The following CALN1 variants were observed in gnomAD, a reference collection of about 807,000 sequenced individuals.
CALN1 encodes calneuron 1.
Under a neutral mutation model 30.6 loss-of-function variants are expected in CALN1, and 17 were observed. The observed-to-expected ratio is 0.56, with a 90% CI of 0.38 to 0.83. CALN1 has a LOEUF of 0.83. CALN1 is among the 40% of genes least tolerant of loss of function. The probability of loss-of-function intolerance (pLI) is 0.00; values close to 1 mark genes in which losing one functional copy is unlikely to be tolerated. For missense variants in CALN1, 291 were observed against 354.9 expected, an observed-to-expected ratio of 0.82 and a Z score of 1.45; for synonymous variants, 156 against 131.4, an observed-to-expected ratio of 1.19 and a Z score of -1.28.
intron 3 of CALN1, among the ~76,000 whole-genome samples, chr7:72,257,176 T>TCGTGAGAACTCACTAC (rs1288131899): frequency 6.6e-6 from 1 of 152,120 alleles, no homozygotes; most frequent in Non-Finnish European, 1.5e-5. Flanking sequence ...CCATCAAATC[T>TCGTGAGAACTCACTAC]CGTGAGAACT....
chr7:71,960,726 T>TTAATAGTTA (rs1797207873), intron 5 of CALN1, among the ~76,000 whole-genome samples: 1 of 152,198 alleles, frequency 6.6e-6, no homozygotes, highest in Non-Finnish European at 1.5e-5. Flanking sequence ...TAGATCTTTT[T>TTAATAGTTA]TAATAGTTAT....
intron 3 of CALN1, among the ~76,000 whole-genome samples, chr7:72,187,074 G>A (rs17144369): frequency 0.25 from 38,094 of 151,758 alleles, 5,982 homozygotes; most frequent in East Asian, 0.68. Context: ...TTTGGTAAAA[G>A]AATATGATTG....
At chr7:72,070,756 C>T (rs1413867803) in intron 4 of CALN1, among the ~76,000 whole-genome samples, 1 of 151,684 alleles carries the variant, frequency 6.6e-6, no homozygotes, top group Non-Finnish European at 1.5e-5. Flanking sequence ...TAATCTCGTC[C>T]CCCTGTTAGA....
chr7:71,835,879 C>T (rs1789571423), intron 5 of CALN1, among the ~76,000 whole-genome samples: 2 of 152,180 alleles, frequency 1.3e-5, no homozygotes, highest in Non-Finnish European at 2.9e-5. Context: ...TATGTGGGGA[C>T]AGCTGGGAGT....
Position 71,837,243 on chromosome 7 carries a change from C to CAAAA in CALN1, c.502-26755_502-26752dup, listed in dbSNP as rs55977265. Among the ~76,000 whole-genome samples, 438 of 79,058 alleles carry CAAAA rather than the reference C, an allele frequency of 5.5e-3. 3 individuals are homozygous for CAAAA. The highest frequency in any genetic ancestry group is 0.016 in the African/African-American group (329 of 20,542). The allele number at this position is 79,058 out of a possible 152,430, so 51.9% of individuals were successfully genotyped here. On this transcript the variant is annotated intron_variant, in intron 5 of 6. Transcript: ENST00000395275. ...CGAAACTCCATCTCAAAAAAAAAGACAAAAAAAAAAAAAAAAAAAAAAGCC... is the reference window on the plus strand; with the variant it reads ...CGAAACTCCATCTCAAAAAAAAAGACAAAAAAAAAAAAAAAAAAAAAAAAAAGCC...
At chr7:72,218,847 T>C (rs961788471) in intron 3 of CALN1, among the ~76,000 whole-genome samples, 1 of 152,180 alleles carries the variant, frequency 6.6e-6, no homozygotes, top group African/African-American at 2.4e-5. Flanking sequence ...AAGTGCCTCA[T>C]TATCCATTCT....
At chr7:71,892,429 G>C (rs1224851110) in intron 5 of CALN1, among the ~76,000 whole-genome samples, 1 of 152,158 alleles carries the variant, frequency 6.6e-6, no homozygotes, top group Non-Finnish European at 1.5e-5. Flanking sequence ...TTGAGGCCAG[G>C]AGTTCGAGAC....
rs142119479 is a variant in CALN1 at position 72,060,026 on chromosome 7, C to A, written c.389-36257G>T. On this transcript the variant is annotated intron_variant, in intron 4 of 6. Transcript: ENST00000395275. ...GTTTGCTACAGTTTTTCCTCGAGTA[C>A]CCCCAGCTAGATGCAATGCTAAAGA... Among the ~76,000 whole-genome samples, 40 of 152,182 alleles carry A rather than the reference C, an allele frequency of 2.6e-4. No homozygotes were observed. The East Asian group carries it at 3.7e-3, about 14-fold the overall frequency.
chr7:72,336,462 G>A (rs901423851), intron 2 of CALN1, among the ~76,000 whole-genome samples: 6 of 151,940 alleles, frequency 3.9e-5, no homozygotes, highest in Non-Finnish European at 8.8e-5. Flanking sequence ...CCAGGCAGGC[G>A]GCCAGGAGCC....
chr7:72,383,363 A>G (rs562654659), intron 2 of CALN1, among the ~76,000 whole-genome samples: 2 of 152,344 alleles, frequency 1.3e-5, no homozygotes, highest in South Asian at 4.1e-4. Flanking sequence ...TGGTTGAACT[A>G]ACTTGCATTC....
chr7:72,116,191 G>A (rs1325758898), intron 3 of CALN1, among the ~76,000 whole-genome samples: 1 of 152,152 alleles, frequency 6.6e-6, no homozygotes, highest in Non-Finnish European at 1.5e-5. Flanking sequence ...TGAAAAGAAG[G>A]CTCAAGTGAG....
At chr7:72,342,820 A>C (rs988317486) in intron 2 of CALN1, among the ~76,000 whole-genome samples, 1 of 152,216 alleles carries the variant, frequency 6.6e-6, no homozygotes. Context: ...TGATGAAAAG[A>C]TTCATTGCAC....
Position 72,369,249 on chromosome 7 carries a change from G to T in CALN1, c.119+34002C>A, listed in dbSNP as rs192160481. ...TGAAACCATCGCCACAATCAACATG[G>T]TAAACACGTACATTACGCAAAGTGT... On this transcript the variant is annotated intron_variant, in intron 2 of 6. Transcript: ENST00000395275. Among the ~76,000 whole-genome samples the T allele has an allele frequency of 7.4e-5, 11 of 148,676 alleles. No individual in the cohort carries two copies. The East Asian group carries it at 2.1e-3, about 29-fold the overall frequency.
chr7:71,999,730 C>G (rs914505653), intron 5 of CALN1, among the ~76,000 whole-genome samples: 3 of 151,968 alleles, frequency 2.0e-5, no homozygotes, highest in Admixed American at 6.6e-5. Context: ...CCAGGCTGGT[C>G]GCAAACTTCT....
At chr7:72,235,753 T>G (rs372077376) in intron 3 of CALN1, among the ~76,000 whole-genome samples, 10 of 138,854 alleles carry the variant, frequency 7.2e-5, no homozygotes, top group East Asian at 4.9e-4. Flanking sequence ...GTCAATCAAA[T>G]CTCTGCCCCA....
At chr7:72,309,181 G>C (rs2129556243) in intron 2 of CALN1, among the ~76,000 whole-genome samples, 1 of 152,274 alleles carries the variant, frequency 6.6e-6, no homozygotes, top group African/African-American at 2.4e-5. Flanking sequence ...CTGGAGGGAG[G>C]CTCTACGGGA....
At chr7:72,419,644 C>A (rs538693458) in intron 1 of CALN1, among the ~76,000 whole-genome samples, 232 of 152,196 alleles carry the variant, frequency 1.5e-3, no homozygotes, top group Middle Eastern at 3.4e-3. Flanking sequence ...AACAGCTGGC[C>A]CAATTTTTCT....
At chr7:72,374,678 C>A (rs901560199) in intron 2 of CALN1, among the ~76,000 whole-genome samples, 2 of 152,056 alleles carry the variant, frequency 1.3e-5, no homozygotes, top group African/African-American at 4.8e-5. Flanking sequence ...GAATGCTTTA[C>A]CCCTAAGATC....
intron 3 of CALN1, among the ~76,000 whole-genome samples, chr7:72,275,060 T>C (rs1317499458): frequency 2.6e-5 from 4 of 152,070 alleles, no homozygotes; most frequent in South Asian, 2.1e-4. Context: ...TTTTCCATCA[T>C]TGGTGATAAA....
Sources: allele counts gnomAD v4.1 joint callset (sites outside exome capture counted in the v4.1 genomes callset), GRCh38; gene constraint gnomAD v4.1.1; transcripts MANE v1.5; gene names NCBI Gene and HGNC (gene_info 2026-07-23, HGNC 2026-07-21).